The following GLG1 variants were observed in gnomAD, a reference collection of about 807,000 sequenced individuals.
GLG1 encodes Golgi apparatus protein 1.
A neutral mutation model predicts 160.5 loss-of-function variants in GLG1; 38 were observed. The ratio of observed to expected loss-of-function variants is 0.24; its 90% CI spans 0.18 to 0.31. GLG1 has a LOEUF of 0.31. Among genes scored for constraint, GLG1 ranks in the 10% least tolerant of loss-of-function variants. GLG1 has a pLI of 1.00. For missense variants in GLG1, 1,373 were observed against 1,505.2 expected, an observed-to-expected ratio of 0.91 and a Z score of 1.45; for synonymous variants, 644 against 543.4, an observed-to-expected ratio of 1.19 and a Z score of -2.57.
intron 1 of GLG1, among the ~76,000 whole-genome samples, chr16:74,544,763 G>C (rs915344527): frequency 2.6e-5 from 4 of 152,138 alleles, no homozygotes; most frequent in Non-Finnish European, 5.9e-5. Context: ...GCCTCCCAAA[G>C]TGCAGGGATT....
At chr16:74,476,331 G>A (rs1327669759) in intron 12 of GLG1, among the ~76,000 whole-genome samples, 1 of 152,148 alleles carries the variant, frequency 6.6e-6, no homozygotes, top group Non-Finnish European at 1.5e-5. Flanking sequence ...ATTGGACAGA[G>A]GCAACAGAAA....
In GLG1 at chr16:74,529,809, G is replaced by GTTTTTTTTTTT. The variant is rs201693911; in HGVS notation, c.471+2311_471+2312insAAAAAAAAAAA. ...CTTCCTATTCCTTGGCTCTTTGAGAGTTCTTTTTTTTTTTTTTTTTTTTTT... is the reference window on the plus strand; with the variant it reads ...CTTCCTATTCCTTGGCTCTTTGAGAGTTTTTTTTTTTTTCTTTTTTTTTTTTTTTTTTTTTT... On this transcript the variant is annotated intron_variant, in intron 2 of 25. Transcript: ENST00000422840. 1.3e-4 allele frequency among the ~76,000 whole-genome samples: 14 copies of GTTTTTTTTTTT among 104,096 alleles called. 2 individuals are homozygous for GTTTTTTTTTTT. The highest frequency in any genetic ancestry group is 1.3e-4 in the Non-Finnish European group (7 of 55,534). 68.3% of individuals were successfully genotyped at this position (104,096 alleles called of 152,430 possible). A position where few individuals can be genotyped will look rare whatever the true frequency, so the allele number is the denominator to read the frequency against.
chr16:74,474,730 C>T (rs752687032), intron 12 of GLG1, 98 bp from the exon 13 acceptor site: 6 of 751,780 alleles, frequency 8.0e-6, no homozygotes, highest in Non-Finnish European at 1.5e-5. Context: ...TTTCAGTGGT[C>T]CTCCTTTCTC....
intron 25 of GLG1, 132 bp downstream of exon 25, chr16:74,456,517 C>G (rs1009049236): frequency 5.9e-6 from 4 of 680,630 alleles, no homozygotes; most frequent in African/African-American, 1.8e-5. Context: ...AAGACCAGTG[C>G]GATATCTAAA....
intron 18 of GLG1, 133 bp from the exon 19 acceptor site, chr16:74,465,946 G>T: frequency 1.2e-6 from 1 of 801,998 alleles, no homozygotes; most frequent in Non-Finnish European, 2.0e-6. Flanking sequence ...ATCGGAATCA[G>T]GATTTCCTTA....
Position 74,492,953 on chromosome 16 carries a change from C to A in GLG1, c.1234+4G>T. 6.4e-7 allele frequency: 1 copy of A among 1,559,240 alleles called. No individual in the cohort carries two copies. On this transcript the variant is annotated splice_donor_region_variant and intron_variant, in intron 7 of 25. Transcript: ENST00000422840. ...GATAATTAAAAAAAAAATATGAATG[C>A]TACCTCTGTGTACAGCTGACTCCAG...
chr16:74,454,155 G>A (rs1489394392), intron 25 of GLG1, among the ~76,000 whole-genome samples: 3 of 151,922 alleles, frequency 2.0e-5, no homozygotes, highest in African/African-American at 7.2e-5. Flanking sequence ...TTACAGGCAT[G>A]AGCCACTGCG....
rs368139876 is a variant in GLG1 at position 74,537,269 on chromosome 16, A to G, written c.439-5116T>C. Among the ~76,000 whole-genome samples the G allele has an allele frequency of 7.9e-5, 12 of 152,294 alleles. No homozygotes were observed. The East Asian group carries it at 2.3e-3, about 29-fold the overall frequency. The stretch of plus-strand genomic sequence containing the variant: ...ATGCTGTATAAATGATACAGCAAAC[A>G]AAGGCAGTAAAGGGAAAAGCACCAA... On this transcript the variant is annotated intron_variant, in intron 1 of 25. Transcript: ENST00000422840.
At chr16:74,571,291 T>C (rs2018819535) in intron 1 of GLG1, among the ~76,000 whole-genome samples, 2 of 152,194 alleles carry the variant, frequency 1.3e-5, no homozygotes, top group Non-Finnish European at 2.9e-5. Flanking sequence ...TATAACCATG[T>C]ATACCAGAGA....
chr16:74,546,837 CAAAAAAAAA>C (rs71376218), intron 1 of GLG1, among the ~76,000 whole-genome samples: 5 of 59,702 alleles, frequency 8.4e-5, no homozygotes, highest in Admixed American at 8.1e-4. Context: ...GACTCCATCT[CAAAAAAAAA>C]AAAAAAAAAA....
At chr16:74,472,603 G>A in intron 13 of GLG1, 192 bp from the exon 14 acceptor site, 1 of 1,475,810 alleles carries the variant, frequency 6.8e-7, no homozygotes, top group Non-Finnish European at 9.1e-7. Flanking sequence ...TACTTTGAAA[G>A]GCAAATTTTT....
At chr16:74,461,962 G>A (rs1300990726) in intron 22 of GLG1, 132 bp downstream of exon 22, 3 of 600,102 alleles carry the variant, frequency 5.0e-6, no homozygotes, top group Non-Finnish European at 8.9e-6. Flanking sequence ...TGCAGACCAT[G>A]GAGAGCCTAG....
intron 1 of GLG1, among the ~76,000 whole-genome samples, chr16:74,601,223 A>G (rs536794569): frequency 6.6e-6 from 1 of 152,272 alleles, no homozygotes; most frequent in Non-Finnish European, 1.5e-5. Context: ...TTTACAATAT[A>G]TACATACCCA....
intron 8 of GLG1, among the ~76,000 whole-genome samples, chr16:74,489,836 C>T (rs529139332): frequency 2.0e-4 from 30 of 152,294 alleles, no homozygotes; most frequent in South Asian, 1.2e-3. Flanking sequence ...AGGTGAGTAA[C>T]TAAAGCTAAG....
At chr16:74,509,163 A>ATTT (rs11295055) in intron 2 of GLG1, among the ~76,000 whole-genome samples, 17 of 89,638 alleles carry the variant, frequency 1.9e-4, no homozygotes, top group Non-Finnish European at 3.0e-4. Flanking sequence ...CTAAAGGACA[A>ATTT]TTTTTTTTTT....
At chr16:74,577,326 A>G (rs1329151728) in intron 1 of GLG1, among the ~76,000 whole-genome samples, 1 of 152,114 alleles carries the variant, frequency 6.6e-6, no homozygotes, top group Non-Finnish European at 1.5e-5. Context: ...GTTCGAGATC[A>G]GGCTGGTCAA....
intron 2 of GLG1, among the ~76,000 whole-genome samples, chr16:74,520,209 T>C (rs1349051018): frequency 6.6e-6 from 1 of 152,230 alleles, no homozygotes; most frequent in Non-Finnish European, 1.5e-5. Flanking sequence ...TGTACATGCA[T>C]CATCCTTCTC....
At chr16:74,535,170 T>C (rs2017653847) in intron 1 of GLG1, among the ~76,000 whole-genome samples, 1 of 152,154 alleles carries the variant, frequency 6.6e-6, no homozygotes, top group African/African-American at 2.4e-5. Context: ...TTTGAGGGTG[T>C]CTGTTATGAA....
chr16:74,521,997 G>A (rs2017179445), intron 2 of GLG1, among the ~76,000 whole-genome samples: 1 of 152,238 alleles, frequency 6.6e-6, no homozygotes, highest in South Asian at 2.1e-4. Flanking sequence ...AAGCATGAAA[G>A]TACGGCATCC....
Sources: allele counts gnomAD v4.1 joint callset (sites outside exome capture counted in the v4.1 genomes callset), GRCh38; gene constraint gnomAD v4.1.1; transcripts MANE v1.5; gene names NCBI Gene and HGNC (gene_info 2026-07-23, HGNC 2026-07-21).